The following AFF2 variants were observed in gnomAD, a reference collection of about 807,000 sequenced individuals.
AFF2 encodes the protein ALF transcription elongation factor 2.
AFF2 carries 14 observed loss-of-function variants against 76.9 expected under a neutral mutation model. The observed-to-expected ratio is 0.18, with a 90% CI of 0.12 to 0.28. The LOEUF is 0.28. Ranked by LOEUF, AFF2 falls within the 10% of genes least tolerant of loss-of-function variation. The pLI, the probability that AFF2 is intolerant of heterozygous loss-of-function variation, is 1.00. For missense variants in AFF2, 868 were observed against 1,001.1 expected (o/e 0.87, Z 1.79); for synonymous variants, 398 against 366.7 (o/e 1.09, Z -0.98).
chrX:148,893,042 T>C (rs782421420), intron 8 of AFF2, among the ~76,000 whole-genome samples: 73 of 112,204 alleles, frequency 6.5e-4, no homozygotes, highest in African/African-American at 2.2e-3. Flanking sequence ...TTGCCTTTCA[T>C]TGAAATCCCT....
In AFF2 at chrX:148,919,291, G is replaced by A. The variant is rs782155050; in HGVS notation, c.1397+15033G>A. Among the ~76,000 whole-genome samples the A allele has an allele frequency of 2.7e-5, 3 of 110,971 alleles. No homozygotes were observed. In the South Asian group the frequency reaches 1.2e-3, roughly 43 times the overall value. On this transcript the variant is annotated intron_variant, in intron 9 of 20. Coordinates refer to ENST00000370460, the MANE Select transcript of AFF2 (RefSeq NM_002025.4). Reference sequence around the variant, plus strand: ...CAATATCACCGTAGCTCAGTTCCCAGTGGGCATAAGAGATGATTAGATATA... The same window carrying A: ...CAATATCACCGTAGCTCAGTTCCCAATGGGCATAAGAGATGATTAGATATA...
chrX:148,631,976 T>A (rs1315176973), intron 1 of AFF2, among the ~76,000 whole-genome samples: 2 of 111,693 alleles, frequency 1.8e-5, no homozygotes, highest in Non-Finnish European at 3.8e-5. Context: ...ATGAATAACA[T>A]GTGTCTTAGT....
Position 148,722,612 on chromosome X carries a change from C to T in AFF2, c.1041+59844C>T, listed in dbSNP as rs782318203. Among the ~76,000 whole-genome samples the T allele has an allele frequency of 2.7e-5, 3 of 111,424 alleles. No homozygotes were observed. In the East Asian group the frequency reaches 8.6e-4, roughly 32 times the overall value. ...TGTTTTTCTGTTTCCAGTCCCTTCTCCCTAGTTCGTCCTCCATACTATTGC... is the reference window on the plus strand; with the variant it reads ...TGTTTTTCTGTTTCCAGTCCCTTCTTCCTAGTTCGTCCTCCATACTATTGC... On this transcript the variant is annotated intron_variant, in intron 3 of 20. Transcript: ENST00000370460.
At chrX:148,627,147 G>A in intron 1 of AFF2, among the ~76,000 whole-genome samples, 1 of 111,973 alleles carries the variant, frequency 8.9e-6, no homozygotes, top group Non-Finnish European at 1.9e-5. Context: ...GGAATTTGAG[G>A]CTCCAGTGAG....
chrX:148,524,896 G>A (rs1334803312), intron 1 of AFF2, among the ~76,000 whole-genome samples: 2 of 111,901 alleles, frequency 1.8e-5, no homozygotes, highest in Non-Finnish European at 3.8e-5. Context: ...GTTGACAACT[G>A]TTGTGGGCAC....
intron 15 of AFF2, 132 bp from the exon 16 acceptor site, chrX:148,973,339 G>GA: frequency 1.2e-6 from 1 of 813,841 alleles, no homozygotes; most frequent in Non-Finnish European, 1.8e-6. Flanking sequence ...GGTGACAACT[G>GA]AAAGTGTCTC....
At position 148,997,699 on chromosome X, in the gene AFF2, ATTGGCATTAC is replaced by A. The variant is rs1557293549; in HGVS notation, c.*6368_*6377del. On this transcript the variant is annotated 3_prime_UTR_variant, in exon 21 of 21. Coordinates refer to ENST00000370460, the MANE Select transcript of AFF2 (RefSeq NM_002025.4). ...AATGGTAACATCCGGGTCTGATTTA[ATTGGCATTAC>A]ACTTACACAGGGACTCTGAGCACCC... 9.0e-6 allele frequency: 1 copy of A among 110,798 alleles called. No individual in the cohort carries two copies. Among genetic ancestry groups the A allele is most frequent in the East Asian group, 2.8e-4 (1 of 3,566 alleles). 9.1% of individuals were successfully genotyped at this position (110,798 alleles called of 1,213,427 possible).
At chrX:148,565,505 T>A (rs5936214) in intron 1 of AFF2, among the ~76,000 whole-genome samples, 30,320 of 110,711 alleles carry the variant, frequency 0.27, 3,144 homozygotes, top group Non-Finnish European at 0.31. Flanking sequence ...TTTAGCTTCA[T>A]AGTTCTCTGT....
chrX:148,827,958 G>A (rs2070408307), intron 4 of AFF2, among the ~76,000 whole-genome samples: 1 of 111,558 alleles, frequency 9.0e-6, no homozygotes, highest in Admixed American at 9.5e-5. Flanking sequence ...AAATTGGAAG[G>A]TAACCATTAA....
At chrX:148,906,805 G>A (rs1402719454) in intron 9 of AFF2, among the ~76,000 whole-genome samples, 1 of 111,692 alleles carries the variant, frequency 9.0e-6, no homozygotes, top group Non-Finnish European at 1.9e-5. Context: ...TTGCAGACCT[G>A]CCCTTGACTT....
chrX:148,826,668 T>C (rs2070392233), intron 4 of AFF2, among the ~76,000 whole-genome samples: 1 of 112,065 alleles, frequency 8.9e-6, no homozygotes, highest in South Asian at 3.7e-4. Flanking sequence ...AATATCCTTT[T>C]AGAAAAAGAT....
intron 9 of AFF2, among the ~76,000 whole-genome samples, chrX:148,925,256 G>A (rs1243928780): frequency 1.8e-5 from 2 of 112,456 alleles, no homozygotes; most frequent in African/African-American, 6.5e-5. Flanking sequence ...CCATTATACC[G>A]ATGAGATGTT....
In AFF2 at chrX:148,873,291, T is replaced by C. The variant is rs182952533; in HGVS notation, c.1263-12598T>C. Among the ~76,000 whole-genome samples, 52 of 110,383 alleles carry C rather than the reference T, an allele frequency of 4.7e-4. No homozygotes were observed. The East Asian group carries it at 7.2e-3, about 15-fold the overall frequency. On this transcript the variant is annotated intron_variant, in intron 7 of 20. Transcript: ENST00000370460. ...CCCGGCTATCTAACCTCTCGTGTCA[T>C]GGTTTGGAAAATCAATTAGCCAGTG...
chrX:148,533,718 T>C, intron 1 of AFF2, among the ~76,000 whole-genome samples: 1 of 111,966 alleles, frequency 8.9e-6, no homozygotes, highest in Non-Finnish European at 1.9e-5. Context: ...TCTGCCAGGG[T>C]CATATTTATG....
chrX:148,611,112 C>T (rs978448202), intron 1 of AFF2, among the ~76,000 whole-genome samples: 7 of 111,728 alleles, frequency 6.3e-5, no homozygotes, highest in Admixed American at 2.8e-4. Flanking sequence ...TATGATGTGA[C>T]GGTTAAATGG....
At chrX:148,820,685 T>G (rs1333970710) in intron 4 of AFF2, among the ~76,000 whole-genome samples, 1 of 111,980 alleles carries the variant, frequency 8.9e-6, no homozygotes, top group Non-Finnish European at 1.9e-5. Context: ...GAATTATGGG[T>G]GAGTTTCTTC....
intron 1 of AFF2, among the ~76,000 whole-genome samples, chrX:148,578,785 G>A (rs1274062975): frequency 8.9e-6 from 1 of 112,062 alleles, no homozygotes; most frequent in Non-Finnish European, 1.9e-5. Context: ...AATATGGACT[G>A]TGAAACATTG....
intron 9 of AFF2, among the ~76,000 whole-genome samples, chrX:148,917,380 C>T (rs1557282730): frequency 1.8e-5 from 2 of 112,213 alleles, no homozygotes; most frequent in African/African-American, 6.5e-5. Context: ...GTCAAATTTT[C>T]ATAACATGGG....
At chrX:148,555,855 C>CT (rs782741703) in intron 1 of AFF2, among the ~76,000 whole-genome samples, 1 of 112,523 alleles carries the variant, frequency 8.9e-6, no homozygotes, top group Non-Finnish European at 1.9e-5. Context: ...TTTATGGATG[C>CT]TTGCTATTAG....
Sources: allele counts gnomAD v4.1 joint callset (sites outside exome capture counted in the v4.1 genomes callset), GRCh38; gene constraint gnomAD v4.1.1; transcripts MANE v1.5; gene names NCBI Gene and HGNC (gene_info 2026-07-23, HGNC 2026-07-21).